ACAA2: variants seen among roughly 807,000 people sequenced by gnomAD.
ACAA2 encodes 3-ketoacyl-CoA thiolase, mitochondrial.
Under a neutral mutation model 44.8 loss-of-function variants are expected in ACAA2, and 35 were observed. The ratio of observed to expected loss-of-function variants is 0.78; its 90% CI spans 0.60 to 1.04. The LOEUF (loss-of-function observed/expected upper bound fraction) is 1.04. Among genes scored for constraint, ACAA2 ranks in the 50% least tolerant of loss-of-function variants. The pLI, the probability that ACAA2 is intolerant of heterozygous loss-of-function variation, is 0.00. For missense variants in ACAA2, 468 were observed against 482.6 expected, an observed-to-expected ratio of 0.97 and a Z score of 0.28; for synonymous variants, 142 against 166.5, an observed-to-expected ratio of 0.85 and a Z score of 1.13.
In ACAA2 at chr18:49,791,479, T is replaced by A. The variant is rs767375969; in HGVS notation, c.874A>T (p.Met292Leu). Residue 292 changes from methionine to leucine, a missense_variant, in exon 7 of 10, where the codon ATG becomes TTG. Transcript: ENST00000285093. ...YFVSGCDPSI[M>L]GIGPVPAISG... ...TTTACTATAAACTTACCAATACCCA[T>A]GATAGAGGGATCACATCCAGATACA... is the stretch of plus-strand genomic sequence containing the variant. 6 of 1,611,580 alleles carry A rather than the reference T, an allele frequency of 3.7e-6. No homozygotes were observed. The African/African-American group carries it at 5.3e-5, about 14-fold the overall frequency.
At chr18:49,801,810 A>ATATATATC (rs1163274955) in intron 2 of ACAA2, among the ~76,000 whole-genome samples, 6 of 144,986 alleles carry the variant, frequency 4.1e-5, no homozygotes, top group African/African-American at 1.5e-4. Context: ...ATATATATAT[A>ATATATATC]TATATCTTAT....
At chr18:49,786,647 A>G (rs965209529) in intron 8 of ACAA2, 1 of 152,182 alleles carries the variant, frequency 6.6e-6, no homozygotes, top group Admixed American at 6.5e-5. Flanking sequence ...ATGCTTAATC[A>G]CCTAAAATTT....
At chr18:49,796,277 A>C (rs888808294) in intron 3 of ACAA2, among the ~76,000 whole-genome samples, 2 of 152,202 alleles carry the variant, frequency 1.3e-5, no homozygotes, top group Admixed American at 1.3e-4. Flanking sequence ...TATCTGAACA[A>C]GAACAGAGAT....
intron 1 of ACAA2, among the ~76,000 whole-genome samples, chr18:49,809,470 T>C (rs142688430): frequency 1.5e-3 from 222 of 152,328 alleles, no homozygotes; most frequent in African/African-American, 5.2e-3. Context: ...GTCCCTGACT[T>C]CCCACAACAA....
chr18:49,796,862 G>T (rs1239928027), intron 3 of ACAA2, among the ~76,000 whole-genome samples: 5 of 152,112 alleles, frequency 3.3e-5, no homozygotes, highest in African/African-American at 4.8e-5. Context: ...TCATAGGATG[G>T]TTGTAAGATT....
At chr18:49,789,033 T>A (rs1201566212) in intron 7 of ACAA2, among the ~76,000 whole-genome samples, 1 of 152,198 alleles carries the variant, frequency 6.6e-6, no homozygotes, top group Non-Finnish European at 1.5e-5. Flanking sequence ...AAGTAATAGA[T>A]AATGCCAGAC....
chr18:49,789,437 T>C (rs1201257477), intron 7 of ACAA2, among the ~76,000 whole-genome samples: 1 of 152,152 alleles, frequency 6.6e-6, no homozygotes, highest in Non-Finnish European at 1.5e-5. Flanking sequence ...ACATCTGGAA[T>C]GTACAGCTCT....
chr18:49,811,466 A>C (rs34338026), intron 1 of ACAA2: 19,435 of 152,054 alleles, frequency 0.13, 1,514 homozygotes, highest in East Asian at 0.27. Context: ...TCGAGCGAAA[A>C]CCTCCTGCCA....
chr18:49,792,352 A>G (rs781056432), intron 5 of ACAA2, 25 bp from the exon 6 acceptor site: 4 of 1,568,598 alleles, frequency 2.6e-6, no homozygotes, highest in South Asian at 2.2e-5. Context: ...AGAGACTATC[A>G]TAAGAATAAA....
At chr18:49,810,335 G>C (rs1432786364) in intron 1 of ACAA2, among the ~76,000 whole-genome samples, 1 of 152,088 alleles carries the variant, frequency 6.6e-6, no homozygotes, top group African/African-American at 2.4e-5. Context: ...AAAGCATCCA[G>C]AAATAAAAAT....
intron 5 of ACAA2, among the ~76,000 whole-genome samples, chr18:49,793,404 C>T (rs72923991): frequency 0.062 from 9,419 of 152,298 alleles, 403 homozygotes; most frequent in Non-Finnish European, 0.096. Context: ...TTATCTCTAT[C>T]TTACAGAGGT....
Position 49,782,927 on chromosome 18 carries a change from C to A in ACAA2, c.*920G>T, listed in dbSNP as rs1343426010. On this transcript the variant is annotated 3_prime_UTR_variant, in exon 10 of 10. Coordinates refer to ENST00000285093, the MANE Select transcript of ACAA2 (RefSeq NM_006111.3). The stretch of plus-strand genomic sequence containing the variant: ...TAATCTTAATTAAAATTTCCAGTGG[C>A]TCTTTGATGAAGTTAACAAGAATAG... 2 of 151,928 alleles carry A rather than the reference C, an allele frequency of 1.3e-5. No individual in the cohort carries two copies. Among genetic ancestry groups the A allele is most frequent in the Non-Finnish European group, 2.9e-5 (2 of 68,012 alleles). The allele number at this position is 151,928 out of a possible 1,614,324, so 9.4% of individuals were successfully genotyped here. A position where few individuals can be genotyped will look rare whatever the true frequency, so the allele number is the denominator to read the frequency against.
At chr18:49,794,135 C>A (rs1313106524) in intron 5 of ACAA2, 145 bp downstream of exon 5, 10 of 674,928 alleles carry the variant, frequency 1.5e-5, no homozygotes, top group Non-Finnish European at 1.9e-5. Flanking sequence ...AATATCTGAT[C>A]ATCTAAAGAC....
intron 7 of ACAA2, 51 bp from the exon 8 acceptor site, chr18:49,787,412 T>C (rs1598790527): frequency 1.6e-6 from 2 of 1,215,094 alleles, no homozygotes; most frequent in East Asian, 5.9e-5. Context: ...AATGTCATCT[T>C]ATATTTACGT....
chr18:49,803,294 C>A (rs1053878742), intron 1 of ACAA2, among the ~76,000 whole-genome samples: 1 of 132,338 alleles, frequency 7.6e-6, no homozygotes, highest in Admixed American at 7.8e-5. Context: ...CAATCCCTGA[C>A]CTAAACTACT....
chr18:49,801,704 C>T (rs1407055463), intron 2 of ACAA2, among the ~76,000 whole-genome samples: 1 of 148,764 alleles, frequency 6.7e-6, no homozygotes, highest in Non-Finnish European at 1.5e-5. Flanking sequence ...ATGATCACAT[C>T]ATTGACATCT....
intron 2 of ACAA2, among the ~76,000 whole-genome samples, chr18:49,800,582 G>A (rs2023535328): frequency 1.3e-5 from 2 of 152,186 alleles, no homozygotes; most frequent in Non-Finnish European, 2.9e-5. Context: ...GGATCCTGTT[G>A]ATCTGTGACC....
chr18:49,801,934 T>C (rs2023554788), intron 2 of ACAA2, among the ~76,000 whole-genome samples: 1 of 151,928 alleles, frequency 6.6e-6, no homozygotes, highest in Admixed American at 6.6e-5. Context: ...AATTCTGAAT[T>C]TTCAATTACC....
Position 49,785,370 on chromosome 18 carries a change from G to A in ACAA2, c.955-19C>T. On this transcript the variant is annotated intron_variant, in intron 8 of 9. Coordinates refer to ENST00000285093, the MANE Select transcript of ACAA2 (RefSeq NM_006111.3). ...CATTCACCTTAAAACAAAAATTAGA[G>A]CACTAACAAAAATCCTTACTCACAA... 6.2e-7 allele frequency: 1 copy of A among 1,610,948 alleles called. No homozygotes were observed. Among genetic ancestry groups the A allele is most frequent in the Non-Finnish European group, 8.5e-7 (1 of 1,178,636 alleles).
Sources: allele counts gnomAD v4.1 joint callset (sites outside exome capture counted in the v4.1 genomes callset), GRCh38; gene constraint gnomAD v4.1.1; transcripts MANE v1.5; gene names NCBI Gene and HGNC (gene_info 2026-07-23, HGNC 2026-07-21).